Variants in PRKG1 observed in about 807,000 individuals in gnomAD.
PRKG1 encodes the protein protein kinase cGMP-dependent 1, also known as cGMP-dependent protein kinase 1.
Under a neutral mutation model 88.1 loss-of-function variants are expected in PRKG1, and 35 were observed. The observed-to-expected ratio is 0.40, with a 90% CI of 0.30 to 0.53. PRKG1 has a LOEUF of 0.53. Ranked by LOEUF, PRKG1 falls within the 20% of genes least tolerant of loss-of-function variation. The pLI is 0.59. For missense variants in PRKG1, 540 were observed against 839.8 expected (o/e 0.64, Z 4.41); for synonymous variants, 303 against 292.5 (o/e 1.04, Z -0.37).
chr10:51,566,616 C>A (rs77019319), intron 3 of PRKG1, among the ~76,000 whole-genome samples: 1 of 151,714 alleles, frequency 6.6e-6, no homozygotes, highest in African/African-American at 2.4e-5. Flanking sequence ...AAGGTTTCTC[C>A]GAGAAGTTGT....
At chr10:51,699,984 G>A (rs1420060209) in intron 3 of PRKG1, among the ~76,000 whole-genome samples, 2 of 152,262 alleles carry the variant, frequency 1.3e-5, no homozygotes, top group Non-Finnish European at 1.5e-5. Context: ...GCGGATTTAA[G>A]GCGGCGTGTT....
chr10:52,296,830 A>G lies in PRKG1; in HGVS notation c.*2930A>G, dbSNP rs1347118913. 2.0e-5 allele frequency: 3 copies of G among 152,122 alleles called. No individual in the cohort carries two copies. The highest frequency in any genetic ancestry group is 4.4e-5 in the Non-Finnish European group (3 of 67,974). The allele number at this position is 152,122 out of a possible 1,614,324, so 9.4% of individuals were successfully genotyped here. ...TGTTTATATCTTCTTTCTTATTAAGACATGAATCAGATCCATGTGGCATTC... is the reference window on the plus strand; with the variant it reads ...TGTTTATATCTTCTTTCTTATTAAGGCATGAATCAGATCCATGTGGCATTC... On this transcript the variant is annotated 3_prime_UTR_variant, in exon 18 of 18. Transcript: ENST00000373980.
At position 51,539,832 on chromosome 10, in the gene PRKG1, T is replaced by C. The variant is rs1203364726; in HGVS notation, c.592+71996T>C. ...CTAGTTTGTTGATTACCTGAAATCT[T>C]AATAGTTTCATTTCTGACATGTTTA... On this transcript the variant is annotated intron_variant, in intron 3 of 17. Transcript: ENST00000373980. Among the ~76,000 whole-genome samples, 5 of 152,296 alleles carry C rather than the reference T, an allele frequency of 3.3e-5. No individual in the cohort carries two copies. The Middle Eastern group carries it at 0.01, about 311-fold the overall frequency.
chr10:51,450,834 T>A (rs1370583448), intron 2 of PRKG1, among the ~76,000 whole-genome samples: 2 of 150,852 alleles, frequency 1.3e-5, no homozygotes, highest in African/African-American at 4.9e-5. Flanking sequence ...AAGAAACACC[T>A]TGTCTTAACA....
At chr10:52,135,871 A>G (rs930893937) in intron 8 of PRKG1, among the ~76,000 whole-genome samples, 2 of 152,084 alleles carry the variant, frequency 1.3e-5, no homozygotes, top group African/African-American at 2.4e-5. Context: ...ACAGAATTGC[A>G]TGAAAGAATC....
At chr10:51,725,722 C>T (rs1842116329) in intron 3 of PRKG1, among the ~76,000 whole-genome samples, 1 of 152,044 alleles carries the variant, frequency 6.6e-6, no homozygotes, top group Middle Eastern at 3.4e-3. Flanking sequence ...CAACCTCCAC[C>T]TCCTGGGCTC....
At chr10:51,965,889 TA>T (rs1213031425) in intron 5 of PRKG1, among the ~76,000 whole-genome samples, 1 of 152,174 alleles carries the variant, frequency 6.6e-6, no homozygotes, top group Admixed American at 6.5e-5. Context: ...TTAGAAACCT[TA>T]AAATGTAATT....
chr10:51,983,698 T>C (rs758173750), intron 5 of PRKG1, among the ~76,000 whole-genome samples: 4 of 152,238 alleles, frequency 2.6e-5, no homozygotes, highest in Non-Finnish European at 4.4e-5. Context: ...CATCAGCTAA[T>C]GTACTGCACC....
chr10:52,032,537 A>G (rs1845498289), intron 5 of PRKG1, among the ~76,000 whole-genome samples: 1 of 152,204 alleles, frequency 6.6e-6, no homozygotes, highest in African/African-American at 2.4e-5. Context: ...GCTTTTTAAA[A>G]TACACCATTG....
chr10:51,723,387 C>T (rs146598293), intron 3 of PRKG1, among the ~76,000 whole-genome samples: 80 of 152,250 alleles, frequency 5.3e-4, no homozygotes, highest in African/African-American at 1.6e-3. Context: ...AAACCAAACA[C>T]CACATGTTCT....
intron 2 of PRKG1, among the ~76,000 whole-genome samples, chr10:51,162,407 CT>C (rs1291031371): frequency 6.6e-6 from 1 of 152,152 alleles, no homozygotes; most frequent in Non-Finnish European, 1.5e-5. Flanking sequence ...TATTTAGGCC[CT>C]TCTATAAACT....
chr10:51,156,937 C>A (rs1236933661), intron 2 of PRKG1, among the ~76,000 whole-genome samples: 2 of 151,920 alleles, frequency 1.3e-5, no homozygotes, highest in East Asian at 3.9e-4. Context: ...TGCTTACTAT[C>A]AAGATATTCA....
intron 1 of PRKG1, among the ~76,000 whole-genome samples, chr10:51,060,109 T>C (rs1843677267): frequency 6.6e-6 from 1 of 152,166 alleles, no homozygotes; most frequent in African/African-American, 2.4e-5. Context: ...TCTTTGTTAT[T>C]GTAGTAGAGC....
chr10:51,452,788 G>C (rs925885838), intron 2 of PRKG1, among the ~76,000 whole-genome samples: 1 of 151,850 alleles, frequency 6.6e-6, no homozygotes, highest in African/African-American at 2.4e-5. Flanking sequence ...TTTGGTATTA[G>C]GGTGATATTG....
At chr10:51,760,504 C>A (rs183126169) in intron 3 of PRKG1, among the ~76,000 whole-genome samples, 197 of 146,912 alleles carry the variant, frequency 1.3e-3, no homozygotes, top group African/African-American at 4.7e-3. Flanking sequence ...CCAAGTCTTG[C>A]CCTGTCACTC....
chr10:51,136,687 AAGCTCT>A, intron 1 of PRKG1, among the ~76,000 whole-genome samples: 1 of 151,930 alleles, frequency 6.6e-6, no homozygotes, highest in Non-Finnish European at 1.5e-5. Flanking sequence ...AAGTCCTAGT[AAGCTCT>A]ATCTCTTTTC....
At chr10:51,010,977 G>A (rs1177310653) in intron 1 of PRKG1, among the ~76,000 whole-genome samples, 2 of 152,182 alleles carry the variant, frequency 1.3e-5, no homozygotes, top group African/African-American at 4.8e-5. Flanking sequence ...CTGCCTGAAT[G>A]GCTGGTGAGA....
chr10:52,033,538 C>A (rs1845524615), intron 5 of PRKG1, among the ~76,000 whole-genome samples: 1 of 152,162 alleles, frequency 6.6e-6, no homozygotes, highest in African/African-American at 2.4e-5. Flanking sequence ...CTATTCCCAG[C>A]CTTGGAGACA....
chr10:51,557,899 T>C (rs1837354077), intron 3 of PRKG1, among the ~76,000 whole-genome samples: 1 of 151,880 alleles, frequency 6.6e-6, no homozygotes, highest in Non-Finnish European at 1.5e-5. Context: ...AAACACTGCC[T>C]CAGAGACTTA....
Sources: gnomAD v4.1 joint callset for allele counts (sites outside exome capture counted in the v4.1 genomes callset) on GRCh38, gnomAD v4.1.1 for gene constraint, MANE v1.5 for transcripts, NCBI Gene and HGNC (gene_info 2026-07-23, HGNC 2026-07-21) for gene names.